Variants in TNRC18 observed in about 807,000 individuals in gnomAD.
TNRC18 encodes trinucleotide repeat-containing gene 18 protein.
TNRC18 carries 69 observed loss-of-function variants against 226.7 expected under a neutral mutation model. The observed-to-expected ratio is 0.30, with a 90% CI of 0.25 to 0.37. The LOEUF (loss-of-function observed/expected upper bound fraction) is 0.37. Among genes scored for constraint, TNRC18 ranks in the 10% least tolerant of loss-of-function variants. The probability of loss-of-function intolerance (pLI) is 1.00; values close to 1 mark genes in which losing one functional copy is unlikely to be tolerated. For synonymous variants in TNRC18, 2,449 were observed against 1,927.6 expected, an observed-to-expected ratio of 1.27 and a Z score of -7.09; for missense variants, 4,754 against 4,256.6, an observed-to-expected ratio of 1.12 and a Z score of -3.25.
At chr7:5,311,528 A>G (rs1295418161) in intron 27 of TNRC18, among the ~76,000 whole-genome samples, 1 of 152,184 alleles carries the variant, frequency 6.6e-6, no homozygotes. Context: ...CAAATGCCAC[A>G]CACAACAGGC....
chr7:5,317,587 T>C (rs532582579), intron 24 of TNRC18, among the ~76,000 whole-genome samples: 2 of 150,608 alleles, frequency 1.3e-5, no homozygotes, highest in African/African-American at 4.9e-5. Context: ...CAAGACTCTG[T>C]CTCAAAAAAA....
At chr7:5,420,202 G>A (rs1014915569) in intron 2 of TNRC18, 1 of 350,538 alleles carries the variant, frequency 2.9e-6, no homozygotes, top group South Asian at 2.1e-5. Flanking sequence ...ACCGCGCCTG[G>A]GCAGCCCGTC....
intron 24 of TNRC18, among the ~76,000 whole-genome samples, chr7:5,317,457 G>A (rs1443196695): frequency 6.6e-6 from 1 of 152,070 alleles, no homozygotes; most frequent in Non-Finnish European, 1.5e-5. Flanking sequence ...CGGGCATGGT[G>A]GTGCATGCCT....
At chr7:5,418,666 T>C (rs1024960740) in intron 2 of TNRC18, among the ~76,000 whole-genome samples, 1 of 151,960 alleles carries the variant, frequency 6.6e-6, no homozygotes, top group Non-Finnish European at 1.5e-5. Context: ...CAAATAAAGA[T>C]GGGACTGATA....
intron 15 of TNRC18, 62 bp downstream of exon 15, chr7:5,359,334 CTT>C (rs779253048): frequency 4.1e-5 from 64 of 1,575,492 alleles, no homozygotes; most frequent in Non-Finnish European, 5.4e-5. Context: ...AGCGTGAACT[CTT>C]AACACACCCT....
At chr7:5,340,802 T>A (rs147711982) in intron 18 of TNRC18, among the ~76,000 whole-genome samples, 3 of 151,368 alleles carry the variant, frequency 2.0e-5, no homozygotes, top group South Asian at 2.1e-4. Flanking sequence ...AATGCAAGGA[T>A]AAGCAGCCGG....
intron 2 of TNRC18, among the ~76,000 whole-genome samples, chr7:5,412,827 G>C (rs983263102): frequency 1.3e-5 from 2 of 152,170 alleles, no homozygotes; most frequent in Non-Finnish European, 2.9e-5. Context: ...GCTCAGAAAT[G>C]TGTCAAATGG....
intron 18 of TNRC18, 36 bp downstream of exon 18, chr7:5,345,526 A>ACCCCCCCCCCCCCCCCCC: frequency 2.3e-5 from 4 of 177,498 alleles, no homozygotes; most frequent in Admixed American, 7.5e-5. Flanking sequence ...CGCCCCTCCC[A>ACCCCCCCCCCCCCCCCCC]CCCACCCCCA....
In TNRC18 at chr7:5,313,560, T is replaced by G. The variant is rs1460399637; in HGVS notation, c.7331A>C (p.Glu2444Ala). 6.2e-7 allele frequency: 1 copy of G among 1,607,194 alleles called. No homozygotes were observed. Among genetic ancestry groups the G allele is most frequent in the African/African-American group, 1.3e-5 (1 of 74,786 alleles). Residue 2444 changes from glutamate to alanine, a missense_variant, in exon 27 of 30, where the codon GAG (glutamate) becomes GCG (alanine). By Grantham distance (107) the Glu-to-Ala change is moderately radical. Coordinates refer to ENST00000430969, the MANE Select transcript of TNRC18 (RefSeq NM_001080495.3). ...RPKPKKARAA[E>A]ESGAKGPRRP... ...CCGAGGGCCCTTGGCACCCGACTCC[T>G]CGGCTGCCCGCGCCTTCTTGGGCTT...
intron 2 of TNRC18, among the ~76,000 whole-genome samples, chr7:5,399,353 C>A (rs1167680681): frequency 6.6e-6 from 1 of 152,198 alleles, no homozygotes; most frequent in Non-Finnish European, 1.5e-5. Context: ...TAACTGGCTG[C>A]CGCCTACTCA....
At chr7:5,393,321 GC>G (rs1780433152) in intron 3 of TNRC18, among the ~76,000 whole-genome samples, 1 of 152,250 alleles carries the variant, frequency 6.6e-6, no homozygotes, top group South Asian at 2.1e-4. Context: ...GGATTCAGAT[GC>G]CTTCCCCAGA....
intron 11 of TNRC18, among the ~76,000 whole-genome samples, chr7:5,364,897 A>G (rs1793463673): frequency 6.6e-6 from 1 of 152,134 alleles, no homozygotes; most frequent in African/African-American, 2.4e-5. Flanking sequence ...ATTAGCACAA[A>G]GCAAACATCT....
chr7:5,375,334 A>AAAC (rs1434347363), intron 9 of TNRC18, among the ~76,000 whole-genome samples: 1 of 151,854 alleles, frequency 6.6e-6, no homozygotes, highest in African/African-American at 2.4e-5. Flanking sequence ...ACAAACAAAC[A>AAAC]AACAAACACC....
intron 18 of TNRC18, among the ~76,000 whole-genome samples, chr7:5,340,836 G>A (rs554835063): frequency 6.6e-6 from 1 of 152,162 alleles, no homozygotes; most frequent in Non-Finnish European, 1.5e-5. Flanking sequence ...GCTGCAGCGA[G>A]TTCTCCAGAA....
intron 17 of TNRC18, among the ~76,000 whole-genome samples, chr7:5,348,919 G>C (rs961243563): frequency 6.6e-6 from 1 of 151,766 alleles, no homozygotes; most frequent in Non-Finnish European, 1.5e-5. Context: ...CCCCACATCA[G>C]GTCTCCCTGG....
chr7:5,353,242 G>T (rs1348770776), intron 16 of TNRC18, among the ~76,000 whole-genome samples: 2 of 152,208 alleles, frequency 1.3e-5, no homozygotes, highest in Admixed American at 1.3e-4. Context: ...CCTCCTACAA[G>T]AACCCACAGG....
intron 16 of TNRC18, 68 bp downstream of exon 16, chr7:5,356,848 G>T (rs111777381): frequency 2.1e-5 from 31 of 1,457,070 alleles, no homozygotes; most frequent in Non-Finnish European, 2.8e-5. Context: ...GAAGGAGGAC[G>T]GTGGAGAGAA....
intron 19 of TNRC18, among the ~76,000 whole-genome samples, chr7:5,331,428 A>G (rs1562502308): frequency 6.6e-6 from 1 of 152,192 alleles, no homozygotes; most frequent in Non-Finnish European, 1.5e-5. Flanking sequence ...GGTAGGAAAG[A>G]AAATCCCACC....
At chr7:5,402,195 A>G (rs1407608356) in intron 2 of TNRC18, among the ~76,000 whole-genome samples, 3 of 150,540 alleles carry the variant, frequency 2.0e-5, no homozygotes, top group Non-Finnish European at 4.4e-5. Flanking sequence ...AAAAAAAAAA[A>G]AAAAAAGAAC....
Sources: allele counts gnomAD v4.1 joint callset (sites outside exome capture counted in the v4.1 genomes callset), GRCh38; gene constraint gnomAD v4.1.1; transcripts MANE v1.5; gene names NCBI Gene and HGNC (gene_info 2026-07-23, HGNC 2026-07-21).